Variants in PCSK5 observed in about 807,000 individuals in gnomAD.
PCSK5 encodes proprotein convertase subtilisin/kexin type 5, also known as prohormone convertase 5.
In PCSK5, 129 loss-of-function variants were observed where a neutral mutation model predicts 233.2. The observed-to-expected ratio is 0.55, with a 90% CI of 0.48 to 0.64. PCSK5 has a LOEUF of 0.64. PCSK5 is among the 30% of genes least tolerant of loss of function. PCSK5 has a pLI of 0.00. For missense variants in PCSK5, 2,076 were observed against 2,430.1 expected, an observed-to-expected ratio of 0.85 and a Z score of 3.06; for synonymous variants, 825 against 879.2, an observed-to-expected ratio of 0.94 and a Z score of 1.09.
intron 1 of PCSK5, among the ~76,000 whole-genome samples, chr9:75,931,244 A>G (rs1823779005): frequency 7.4e-6 from 1 of 135,208 alleles, no homozygotes; most frequent in African/African-American, 2.5e-5. Flanking sequence ...AACATGGGCC[A>G]AGACTTTTTT....
At chr9:76,088,211 C>T (rs2131634640) in intron 7 of PCSK5, among the ~76,000 whole-genome samples, 1 of 152,302 alleles carries the variant, frequency 6.6e-6, no homozygotes, top group African/African-American at 2.4e-5. Flanking sequence ...AACTGGGCTG[C>T]TGGAAGTGCT....
intron 5 of PCSK5, among the ~76,000 whole-genome samples, chr9:76,030,127 CAAA>C (rs1828593722): frequency 6.8e-6 from 1 of 147,484 alleles, no homozygotes; most frequent in South Asian, 2.2e-4. Flanking sequence ...CTCTGAAAAA[CAAA>C]AAGGATCAGC....
chr9:76,037,818 CCAAGGAATTGAGAAGAG>C lies in PCSK5; in HGVS notation c.632+10784_632+10800del, dbSNP rs1828925826. On this transcript the variant is annotated intron_variant, in intron 5 of 37. Transcript: ENST00000674117. ...TGCCTATACAACACCTAAAATAGCT[CCAAGGAATTGAGAAGAG>C]CAGTAGAGTACCTGGAGAATCCCCG... is the stretch of plus-strand genomic sequence containing the variant. 2.6e-5 allele frequency among the ~76,000 whole-genome samples: 4 copies of C among 152,076 alleles called. No individual in the cohort carries two copies. In the South Asian group the frequency reaches 8.3e-4, roughly 31 times the overall value.
intron 20 of PCSK5, chr9:76,209,394 A>G: frequency 2.7e-6 from 1 of 370,728 alleles, no homozygotes; most frequent in South Asian, 2.1e-5. Flanking sequence ...CTAATCATGC[A>G]AAATTTACTA....
intron 2 of PCSK5, among the ~76,000 whole-genome samples, chr9:75,958,768 G>A (rs1335359420): frequency 3.9e-5 from 6 of 152,186 alleles, no homozygotes; most frequent in Non-Finnish European, 8.8e-5. Flanking sequence ...TGTATGAAAT[G>A]GAAATGGTAA....
chr9:76,032,191 C>A (rs963193629), intron 5 of PCSK5, among the ~76,000 whole-genome samples: 2 of 152,194 alleles, frequency 1.3e-5, no homozygotes, highest in South Asian at 4.1e-4. Flanking sequence ...TGCCTCCTCA[C>A]TGAACAATCA....
At chr9:76,160,111 G>A (rs1359969879) in intron 12 of PCSK5, among the ~76,000 whole-genome samples, 4 of 152,062 alleles carry the variant, frequency 2.6e-5, no homozygotes, top group Admixed American at 6.5e-5. Flanking sequence ...ATGAGCCACC[G>A]CGCCCAGCTG....
chr9:76,031,680 C>T (rs1044451297), intron 5 of PCSK5, among the ~76,000 whole-genome samples: 4 of 152,056 alleles, frequency 2.6e-5, no homozygotes, highest in Non-Finnish European at 5.9e-5. Flanking sequence ...AAGAGCGAGA[C>T]CCTGTCTCAA....
At chr9:75,926,901 T>A (rs568725250) in intron 1 of PCSK5, among the ~76,000 whole-genome samples, 1 of 152,344 alleles carries the variant, frequency 6.6e-6, no homozygotes, top group African/African-American at 2.4e-5. Context: ...TTGTTTCCAG[T>A]TTGGGGCTAC....
chr9:76,259,656 C>T (rs1827102400), intron 24 of PCSK5, among the ~76,000 whole-genome samples: 2 of 152,182 alleles, frequency 1.3e-5, no homozygotes, highest in South Asian at 4.1e-4. Flanking sequence ...GTTTCATCAG[C>T]TCCTTGAATC....
intron 24 of PCSK5, among the ~76,000 whole-genome samples, chr9:76,261,988 A>G (rs1827188268): frequency 2.0e-5 from 3 of 152,130 alleles, no homozygotes; most frequent in Admixed American, 6.5e-5. Context: ...CTAATTGAAT[A>G]CCCTTTATTT....
intron 20 of PCSK5, among the ~76,000 whole-genome samples, chr9:76,218,888 T>C (rs552536295): frequency 6.6e-6 from 1 of 152,172 alleles, no homozygotes; most frequent in Admixed American, 6.5e-5. Flanking sequence ...ACACTTCGTC[T>C]TTTTGAAAGC....
At chr9:75,901,271 C>G (rs1205517806) in intron 1 of PCSK5, among the ~76,000 whole-genome samples, 2 of 152,178 alleles carry the variant, frequency 1.3e-5, no homozygotes, top group African/African-American at 4.8e-5. Context: ...CACATATACA[C>G]CATGGAATAC....
intron 14 of PCSK5, among the ~76,000 whole-genome samples, chr9:76,177,070 G>A (rs1198934440): frequency 6.6e-6 from 1 of 152,106 alleles, no homozygotes; most frequent in African/African-American, 2.4e-5. Context: ...AGGGTGGATT[G>A]CCTGAGCTCA....
At chr9:76,340,514 G>A (rs1019600865) in intron 35 of PCSK5, among the ~76,000 whole-genome samples, 45 of 151,282 alleles carry the variant, frequency 3.0e-4, no homozygotes, top group Admixed American at 2.9e-3. Context: ...GCGTAGTGGC[G>A]GGTGCCTGTA....
chr9:76,246,561 A>G (rs57051395), intron 24 of PCSK5, among the ~76,000 whole-genome samples: 3,320 of 152,238 alleles, frequency 0.022, 100 homozygotes, highest in South Asian at 0.12. Context: ...TGGACCCCAC[A>G]ACACCCCTTC....
chr9:75,988,151 T>C (rs1339808197), intron 3 of PCSK5, among the ~76,000 whole-genome samples: 1 of 152,342 alleles, frequency 6.6e-6, no homozygotes, highest in East Asian at 1.9e-4. Flanking sequence ...AGAAGAGCTT[T>C]TGATTGGCCA....
intron 24 of PCSK5, among the ~76,000 whole-genome samples, chr9:76,289,639 A>T (rs985265797): frequency 7.9e-5 from 12 of 151,838 alleles, no homozygotes; most frequent in African/African-American, 2.2e-4. Context: ...TAGATTTGGG[A>T]TTGTTACCTT....
chr9:76,093,582 T>C lies in PCSK5; in HGVS notation c.895-2308T>C, dbSNP rs376327258. Among the ~76,000 whole-genome samples, 791 of 149,922 alleles carry C rather than the reference T, an allele frequency of 5.3e-3. 9 individuals carry two copies. The highest frequency in any genetic ancestry group is 0.016 in the African/African-American group (666 of 40,758). ...TCATAATTTTATATATATATATATA[T>C]ACACACACACACACACACGTGCTTG... On this transcript the variant is annotated intron_variant, in intron 7 of 37. Coordinates refer to ENST00000674117, the MANE Select transcript of PCSK5 (RefSeq NM_001372043.1).
Sources: allele counts gnomAD v4.1 joint callset (sites outside exome capture counted in the v4.1 genomes callset), GRCh38; gene constraint gnomAD v4.1.1; transcripts MANE v1.5; gene names NCBI Gene and HGNC (gene_info 2026-07-23, HGNC 2026-07-21).